POLR3G: variants seen among roughly 807,000 people sequenced by gnomAD.
The protein encoded by POLR3G is DNA-directed RNA polymerase III subunit RPC7.
Under a neutral mutation model 30.1 loss-of-function variants are expected in POLR3G, and 28 were observed. The observed-to-expected ratio is 0.93, with a 90% confidence interval of 0.69 to 1.27. POLR3G has a LOEUF of 1.27. Among genes scored for constraint, POLR3G ranks in the 50% most tolerant of loss-of-function variants. The pLI is 0.00. For missense variants in POLR3G, 254 were observed against 264.6 expected (o/e 0.96, Z 0.28); for synonymous variants, 79 against 82.5 (o/e 0.96, Z 0.23).
In POLR3G at chr5:90,497,938, T is replaced by C. The variant is rs536397138; in HGVS notation, c.355+232T>C. On this transcript the variant is annotated intron_variant, in intron 5 of 7. Transcript: ENST00000651687. ...CTGGGCAACATAGTGAGAACTTGTC[T>C]CTACAAAAAGTTAAAACAAGTATTA... 3.9e-5 allele frequency among the ~76,000 whole-genome samples: 6 copies of C among 152,268 alleles called. No individual in the cohort carries two copies. The South Asian group carries it at 1.2e-3, about 32-fold the overall frequency.
intron 3 of POLR3G, among the ~76,000 whole-genome samples, chr5:90,495,062 A>G (rs1330875473): frequency 1.3e-5 from 2 of 152,212 alleles, no homozygotes; most frequent in Non-Finnish European, 1.5e-5. Flanking sequence ...CAGTTAAAAT[A>G]CCTAGAAAAA....
intron 1 of POLR3G, among the ~76,000 whole-genome samples, chr5:90,476,939 C>T (rs978851389): frequency 1.4e-4 from 21 of 152,266 alleles, no homozygotes; most frequent in African/African-American, 5.1e-4. Context: ...CAGTTTCTTA[C>T]CCTAGACTAT....
intron 4 of POLR3G, 28 bp from the exon 5 acceptor site, chr5:90,497,628 A>AATTTTTT (rs776307941): frequency 7.6e-6 from 12 of 1,575,958 alleles, no homozygotes; most frequent in Non-Finnish European, 9.4e-6. Flanking sequence ...AGGAAACTGC[A>AATTTTTT]ATTTTTTATT....
chr5:90,487,996 A>T lies in POLR3G; in HGVS notation c.118-4A>T. The T allele has an allele frequency of 6.4e-7, 1 of 1,560,944 alleles. No individual in the cohort carries two copies. The highest frequency in any genetic ancestry group is 8.6e-7 in the Non-Finnish European group (1 of 1,160,562). ...AAAAAATCTTTGTCTCTTAATTTAA[A>T]CAGGATACAGATTATAAACCAGTGC... On this transcript the variant is annotated splice_polypyrimidine_tract_variant and splice_region_variant and intron_variant, in intron 2 of 7. Transcript: ENST00000651687.
chr5:90,484,719 C>G (rs926274861), intron 1 of POLR3G, among the ~76,000 whole-genome samples: 10 of 152,142 alleles, frequency 6.6e-5, no homozygotes, highest in Non-Finnish European at 1.5e-4. Context: ...GTCCAGGGGA[C>G]ATACCATTTC....
intron 1 of POLR3G, among the ~76,000 whole-genome samples, chr5:90,485,062 T>C (rs1478966754): frequency 6.6e-6 from 1 of 152,204 alleles, no homozygotes; most frequent in African/African-American, 2.4e-5. Flanking sequence ...CCATTCCCAT[T>C]TCTAGAAGGA....
intron 6 of POLR3G, among the ~76,000 whole-genome samples, chr5:90,506,142 T>A (rs1338202947): frequency 6.6e-6 from 1 of 151,946 alleles, no homozygotes; most frequent in African/African-American, 2.4e-5. Context: ...AGCAGGAGAA[T>A]CACTTGAACC....
intron 6 of POLR3G, among the ~76,000 whole-genome samples, chr5:90,503,052 A>G (rs533104952): frequency 3.3e-5 from 5 of 152,282 alleles, no homozygotes; most frequent in East Asian, 1.9e-4. Context: ...TGGAGGTTAT[A>G]CCAATTTACT....
intron 1 of POLR3G, among the ~76,000 whole-genome samples, chr5:90,484,304 G>C (rs1419824660): frequency 1.3e-5 from 2 of 152,146 alleles, no homozygotes; most frequent in East Asian, 3.9e-4. Flanking sequence ...AGCACTCTTT[G>C]AGAACCATTG....
intron 1 of POLR3G, among the ~76,000 whole-genome samples, chr5:90,478,569 CTT>C (rs773881344): frequency 1.4e-4 from 11 of 79,326 alleles, no homozygotes; most frequent in Non-Finnish European, 1.9e-4. Flanking sequence ...CTGCGTGGTT[CTT>C]TTTTTTTTTT....
chr5:90,500,252 CAG>C (rs1411005097), intron 5 of POLR3G, among the ~76,000 whole-genome samples: 1 of 151,890 alleles, frequency 6.6e-6, no homozygotes, highest in Non-Finnish European at 1.5e-5. Context: ...TGGAAGTAAA[CAG>C]TAACAACAGA....
chr5:90,487,132 C>T (rs1364950767), intron 2 of POLR3G, among the ~76,000 whole-genome samples: 1 of 152,000 alleles, frequency 6.6e-6, no homozygotes, highest in African/African-American at 2.4e-5. Flanking sequence ...CTCCATCTTG[C>T]CATTTATTCA....
intron 1 of POLR3G, among the ~76,000 whole-genome samples, chr5:90,483,886 T>C (rs1490646586): frequency 6.6e-6 from 1 of 152,248 alleles, no homozygotes; most frequent in African/African-American, 2.4e-5. Context: ...ATTATAGTTA[T>C]CTTACCTTTA....
intron 3 of POLR3G, among the ~76,000 whole-genome samples, chr5:90,491,170 G>A (rs34685868): frequency 0.12 from 18,142 of 152,102 alleles, 1,202 homozygotes; most frequent in African/African-American, 0.18. Flanking sequence ...TTCAAAGTTT[G>A]TTTTTAATGT....
chr5:90,486,365 A>G (rs2151903304), intron 2 of POLR3G, among the ~76,000 whole-genome samples: 2 of 152,334 alleles, frequency 1.3e-5, no homozygotes, highest in East Asian at 3.9e-4. Flanking sequence ...TTTTAAAAAC[A>G]AGCTCTTTTC....
chr5:90,491,532 T>G (rs1292752559), intron 3 of POLR3G, among the ~76,000 whole-genome samples: 1 of 143,280 alleles, frequency 7.0e-6, no homozygotes, highest in African/African-American at 2.5e-5. Context: ...ATTTTTGACG[T>G]TTTTTTTTTT....
At chr5:90,504,882 T>A (rs190633112) in intron 6 of POLR3G, among the ~76,000 whole-genome samples, 1 of 152,322 alleles carries the variant, frequency 6.6e-6, no homozygotes, top group African/African-American at 2.4e-5. Flanking sequence ...GTTGGAAAAA[T>A]TGCACACATC....
chr5:90,509,026 A>G (rs1242966883), intron 7 of POLR3G, among the ~76,000 whole-genome samples: 1 of 152,112 alleles, frequency 6.6e-6, no homozygotes, highest in African/African-American at 2.4e-5. Flanking sequence ...GTGCCACTGC[A>G]CTCCAGCCTG....
chr5:90,481,270 T>G (rs1751109472), intron 1 of POLR3G, among the ~76,000 whole-genome samples: 1 of 151,936 alleles, frequency 6.6e-6, no homozygotes, highest in African/African-American at 2.4e-5. Context: ...AGGGAGACTT[T>G]ATGTTCATCT....
Sources: gnomAD v4.1 joint callset for allele counts (sites outside exome capture counted in the v4.1 genomes callset) on GRCh38, gnomAD v4.1.1 for gene constraint, MANE v1.5 for transcripts, NCBI Gene and HGNC (gene_info 2026-07-23, HGNC 2026-07-21) for gene names.